The following ADAM2 variants were observed in gnomAD, a reference collection of about 807,000 sequenced individuals.
The protein encoded by ADAM2 is ADAM metallopeptidase domain 2, also known as disintegrin and metalloproteinase domain-containing protein 2.
A neutral mutation model predicts 99.3 loss-of-function variants in ADAM2; 101 were observed. The ratio of observed to expected loss-of-function variants is 1.02; its 90% confidence interval spans 0.87 to 1.20. The LOEUF (loss-of-function observed/expected upper bound fraction) is 1.20, where lower values mean the gene tolerates loss of function less well. ADAM2 is among the 50% of genes most tolerant of loss of function. The pLI is 0.00. For missense variants in ADAM2, 948 were observed against 878.7 expected, an observed-to-expected ratio of 1.08 and a Z score of -1.00; for synonymous variants, 323 against 287.6, an observed-to-expected ratio of 1.12 and a Z score of -1.25.
chr8:39,828,350 G>A (rs894234162), intron 3 of ADAM2, among the ~76,000 whole-genome samples: 1 of 151,736 alleles, frequency 6.6e-6, no homozygotes, highest in African/African-American at 2.4e-5. Context: ...GTAATTGGTA[G>A]GAGGACTAAT....
At chr8:39,814,173 C>A (rs188669086) in intron 6 of ADAM2, among the ~76,000 whole-genome samples, 1 of 151,992 alleles carries the variant, frequency 6.6e-6, no homozygotes, top group African/African-American at 2.4e-5. Flanking sequence ...GCCTGGCCAA[C>A]ATGGCAAAAC....
chr8:39,808,189 T>TACACACAC lies in ADAM2; in HGVS notation c.570+1213_570+1220dup, dbSNP rs144114156. On this transcript the variant is annotated intron_variant, in intron 7 of 20. Transcript: ENST00000265708. ...CCTGTATGCAGAAAGTCCTAAGGAA[T>TACACACAC]ACACACACACACACACACACACACA... Among the ~76,000 whole-genome samples, 570 of 146,084 alleles carry TACACACAC rather than the reference T, an allele frequency of 3.9e-3. 2 individuals carry two copies. The highest frequency in any genetic ancestry group is 0.012 in the South Asian group (53 of 4,514).
chr8:39,792,865 G>A (rs1208505390), intron 7 of ADAM2, among the ~76,000 whole-genome samples: 2 of 151,994 alleles, frequency 1.3e-5, no homozygotes, highest in African/African-American at 4.8e-5. Flanking sequence ...TCTGCCCTCC[G>A]TGGTAATAGG....
At chr8:39,835,008 T>C (rs576538789) in intron 2 of ADAM2, among the ~76,000 whole-genome samples, 1 of 152,298 alleles carries the variant, frequency 6.6e-6, no homozygotes, top group South Asian at 2.1e-4. Context: ...TACTATTAAT[T>C]ACTATTCTAG....
intron 6 of ADAM2, among the ~76,000 whole-genome samples, chr8:39,814,459 C>T (rs1287156189): frequency 6.6e-6 from 1 of 151,994 alleles, no homozygotes; most frequent in Non-Finnish European, 1.5e-5. Context: ...TGAAAGAGGA[C>T]TCCAAATTTA....
At chr8:39,749,828 T>G in intron 16 of ADAM2, 84 bp from the exon 17 acceptor site, 1 of 988,420 alleles carries the variant, frequency 1.0e-6, no homozygotes, top group Non-Finnish European at 1.6e-6. Flanking sequence ...CCATACCATA[T>G]TACCATGGAC....
rs1008300918 is a variant in ADAM2 at position 39,825,599 on chromosome 8, T to C, written c.189-702A>G. Among the ~76,000 whole-genome samples, 4 of 151,454 alleles carry C rather than the reference T, an allele frequency of 2.6e-5. No homozygotes were observed. In the East Asian group the frequency reaches 7.7e-4, roughly 29 times the overall value. On this transcript the variant is annotated intron_variant, in intron 3 of 20. Coordinates refer to ENST00000265708, the MANE Select transcript of ADAM2 (RefSeq NM_001464.5). ...CAAGTAGGATAAAGGGAAATAAAAGTCAGATATAAATATATCATCAAAAGA... is the reference window on the plus strand; with the variant it reads ...CAAGTAGGATAAAGGGAAATAAAAGCCAGATATAAATATATCATCAAAAGA...
chr8:39,756,378 T>C (rs1009631435), intron 15 of ADAM2, among the ~76,000 whole-genome samples: 3 of 152,222 alleles, frequency 2.0e-5, no homozygotes, highest in African/African-American at 7.2e-5. Context: ...GGGTTATCAC[T>C]ATATATATCA....
intron 7 of ADAM2, among the ~76,000 whole-genome samples, chr8:39,806,054 G>C (rs1804422907): frequency 6.6e-6 from 1 of 152,168 alleles, no homozygotes; most frequent in Middle Eastern, 3.2e-3. Flanking sequence ...AGAGGAGATG[G>C]GAGTAAGTCC....
intron 7 of ADAM2, among the ~76,000 whole-genome samples, chr8:39,791,142 A>C (rs1255264916): frequency 6.6e-6 from 1 of 152,012 alleles, no homozygotes; most frequent in Non-Finnish European, 1.5e-5. Flanking sequence ...TAAGTTGTTT[A>C]CTTGAAAGAG....
At chr8:39,805,085 G>C (rs1442305516) in intron 7 of ADAM2, among the ~76,000 whole-genome samples, 2 of 152,278 alleles carry the variant, frequency 1.3e-5, no homozygotes, top group Non-Finnish European at 2.9e-5. Context: ...CTTATAGATG[G>C]TACCTTCTAG....
rs143787076 is a variant in ADAM2, at chr8:39,766,107, T to C, written c.1507+741A>G. ...AGAGTCCCTGGATTTTCATGAAATT[T>C]CCTTATTGTTTCCACAGGTGATTTT... On this transcript the variant is annotated intron_variant, in intron 14 of 20. Coordinates refer to ENST00000265708, the MANE Select transcript of ADAM2 (RefSeq NM_001464.5). 3.3e-3 allele frequency among the ~76,000 whole-genome samples: 503 copies of C among 152,318 alleles called. 4 individuals are homozygous for C. The highest frequency in any genetic ancestry group is 0.011 in the African/African-American group (467 of 41,564).
At chr8:39,786,182 A>G (rs989584488) in intron 10 of ADAM2, among the ~76,000 whole-genome samples, 3 of 152,168 alleles carry the variant, frequency 2.0e-5, no homozygotes, top group Non-Finnish European at 4.4e-5. Context: ...TGAAAAACTA[A>G]CTAGTGGGTA....
chr8:39,833,939 C>T lies in ADAM2; in HGVS notation c.188+5G>A, dbSNP rs763821674. The T allele has an allele frequency of 2.1e-6, 3 of 1,462,366 alleles. No individual in the cohort carries two copies. The highest frequency in any genetic ancestry group is 2.3e-5 in the South Asian group (2 of 86,780). The allele number at this position is 1,462,366 out of a possible 1,614,324, so 90.6% of individuals were successfully genotyped here. A position where few individuals can be genotyped will look rare whatever the true frequency, so the allele number is the denominator to read the frequency against. On this transcript the variant is annotated splice_donor_5th_base_variant and intron_variant, in intron 3 of 20. Coordinates refer to ENST00000265708, the MANE Select transcript of ADAM2 (RefSeq NM_001464.5). ...AGAATTGATAAAATAATGATGATTA[C>T]CTACTTTTGCATTAAATTCACAGTA...
At chr8:39,786,189 G>A (rs1803461556) in intron 10 of ADAM2, among the ~76,000 whole-genome samples, 1 of 152,076 alleles carries the variant, frequency 6.6e-6, no homozygotes, top group Admixed American at 6.6e-5. Flanking sequence ...CTAACTAGTG[G>A]GTACTATGCT....
At chr8:39,768,122 G>A (rs1334025310) in intron 12 of ADAM2, among the ~76,000 whole-genome samples, 1 of 152,026 alleles carries the variant, frequency 6.6e-6, no homozygotes, top group Non-Finnish European at 1.5e-5. Context: ...TGTAATTCTA[G>A]AGGGGAAAGT....
At chr8:39,825,589 G>C (rs1322164423) in intron 3 of ADAM2, among the ~76,000 whole-genome samples, 1 of 150,462 alleles carries the variant, frequency 6.6e-6, no homozygotes, top group Admixed American at 6.6e-5. Context: ...AGGATAAAGG[G>C]AAATAAAAGT....
chr8:39,769,821 C>T (rs1003561244), intron 11 of ADAM2, among the ~76,000 whole-genome samples: 4 of 152,142 alleles, frequency 2.6e-5, no homozygotes, highest in African/African-American at 9.6e-5. Context: ...ACTGCTCTCT[C>T]TTGTTTAAGC....
At chr8:39,784,234 CTG>C (rs1372970780) in intron 10 of ADAM2, among the ~76,000 whole-genome samples, 2 of 152,166 alleles carry the variant, frequency 1.3e-5, no homozygotes, top group Non-Finnish European at 2.9e-5. Flanking sequence ...GGCAAAATAA[CTG>C]TGGAGAATAA....
Sources: gnomAD v4.1 joint callset for allele counts (sites outside exome capture counted in the v4.1 genomes callset) on GRCh38, gnomAD v4.1.1 for gene constraint, MANE v1.5 for transcripts, NCBI Gene and HGNC (gene_info 2026-07-23, HGNC 2026-07-21) for gene names.